The following ELOVL7 variants were observed in gnomAD, a reference collection of about 807,000 sequenced individuals.
ELOVL7 encodes ELOVL fatty acid elongase 7.
Under a neutral mutation model 35.7 loss-of-function variants are expected in ELOVL7, and 27 were observed. The observed-to-expected ratio is 0.76, with a 90% CI of 0.56 to 1.04. ELOVL7 has a LOEUF of 1.04. Among genes scored for constraint, ELOVL7 ranks in the 50% least tolerant of loss-of-function variants. The pLI is 0.00. For missense variants in ELOVL7, 327 were observed against 340.8 expected (o/e 0.96, Z 0.32); for synonymous variants, 113 against 114.6 (o/e 0.99, Z 0.09).
intron 1 of ELOVL7, among the ~76,000 whole-genome samples, chr5:60,824,845 T>C (rs979755288): frequency 1.3e-5 from 2 of 152,120 alleles, no homozygotes; most frequent in Non-Finnish European, 2.9e-5. Flanking sequence ...AATGCACCAA[T>C]ATTTTCCCAC....
chr5:60,823,170 G>A (rs1745983757), intron 1 of ELOVL7, among the ~76,000 whole-genome samples: 1 of 152,144 alleles, frequency 6.6e-6, no homozygotes, highest in Non-Finnish European at 1.5e-5. Context: ...AACAACCCAT[G>A]AAGGTCTAGA....
At chr5:60,813,723 G>A (rs1177244493) in intron 1 of ELOVL7, among the ~76,000 whole-genome samples, 1 of 151,948 alleles carries the variant, frequency 6.6e-6, no homozygotes, top group Non-Finnish European at 1.5e-5. Context: ...CCTGGTTGTA[G>A]TACAAAAAGG....
chr5:60,781,004 G>A (rs1337503951), intron 3 of ELOVL7, among the ~76,000 whole-genome samples: 3 of 152,180 alleles, frequency 2.0e-5, no homozygotes, highest in Non-Finnish European at 4.4e-5. Context: ...GAGGTCAGGA[G>A]TTTGAGACCA....
chr5:60,771,104 AT>A (rs1157450057), intron 4 of ELOVL7, among the ~76,000 whole-genome samples: 6 of 152,186 alleles, frequency 3.9e-5, no homozygotes, highest in African/African-American at 1.4e-4. Flanking sequence ...GTGGGCCCAT[AT>A]TGGGCCCTCG....
intron 8 of ELOVL7, 95 bp downstream of exon 8, chr5:60,757,414 T>G (rs1741607256): frequency 3.1e-6 from 4 of 1,300,644 alleles, no homozygotes; most frequent in Non-Finnish European, 4.3e-6. Flanking sequence ...TATTGTTTTG[T>G]CTTTCTTCTT....
At chr5:60,766,539 C>A in intron 6 of ELOVL7, 35 bp downstream of exon 6, 1 of 1,532,946 alleles carries the variant, frequency 6.5e-7, no homozygotes, top group Non-Finnish European at 8.9e-7. Flanking sequence ...CATTTAAGAT[C>A]AAACATTTAC....
At chr5:60,771,233 G>C (rs948633183) in intron 4 of ELOVL7, among the ~76,000 whole-genome samples, 4 of 152,158 alleles carry the variant, frequency 2.6e-5, no homozygotes, top group African/African-American at 9.7e-5. Flanking sequence ...ACATACATGG[G>C]GGTGGCTGAG....
At chr5:60,841,069 A>G (rs542961114) in intron 1 of ELOVL7, among the ~76,000 whole-genome samples, 323 of 140,546 alleles carry the variant, frequency 2.3e-3, no homozygotes, top group Non-Finnish European at 3.4e-3. Context: ...TTTGTTGCCC[A>G]GGCTGGAGTG....
Position 60,753,128 on chromosome 5 carries a change from T to C in ELOVL7, c.*1496A>G, listed in dbSNP as rs1741353913. 6.6e-6 allele frequency: 1 copy of C among 151,950 alleles called. No homozygotes were observed. The highest frequency in any genetic ancestry group is 2.4e-5 in the African/African-American group (1 of 41,386). 9.4% of individuals were successfully genotyped at this position (151,950 alleles called of 1,614,324 possible). On this transcript the variant is annotated 3_prime_UTR_variant, in exon 9 of 9. Transcript: ENST00000508821. ...AGAGTACAATAAGTATCTCTGTGTG[T>C]TCAAAATTAACTGGGGCTTTAAGTA...
Position 60,752,239 on chromosome 5 carries a change from T to C in ELOVL7, c.*2385A>G, listed in dbSNP as rs1741317871. On this transcript the variant is annotated 3_prime_UTR_variant, in exon 9 of 9. Coordinates refer to ENST00000508821, the MANE Select transcript of ELOVL7 (RefSeq NM_024930.3). Reference sequence around the variant, plus strand: ...ATCCACAATCATGTTGATGTTTCTATGGAGGATACTTCTAGCAGCTGTGAT... The same window carrying C: ...ATCCACAATCATGTTGATGTTTCTACGGAGGATACTTCTAGCAGCTGTGAT... 6.6e-6 allele frequency: 1 copy of C among 152,554 alleles called. No homozygotes were observed. The allele number at this position is 152,554 out of a possible 1,614,324, so 9.5% of individuals were successfully genotyped here. A position where few individuals can be genotyped will look rare whatever the true frequency, so the allele number is the denominator to read the frequency against.
intron 1 of ELOVL7, among the ~76,000 whole-genome samples, chr5:60,814,562 T>G (rs1368975245): frequency 2.0e-5 from 3 of 152,212 alleles, no homozygotes; most frequent in Admixed American, 2.0e-4. Flanking sequence ...GGTCATGTAC[T>G]GTGCTAGGTA....
rs537098844 is a variant in ELOVL7 at position 60,771,826 on chromosome 5, A to G, written c.255+77T>C. 4.7e-4 allele frequency: 518 copies of G among 1,107,600 alleles called. 1 individual carries two copies. Among genetic ancestry groups the G allele is most frequent in the Non-Finnish European group, 6.1e-4 (471 of 777,536 alleles). 68.6% of individuals were successfully genotyped at this position (1,107,600 alleles called of 1,614,324 possible). A position where few individuals can be genotyped will look rare whatever the true frequency, so the allele number is the denominator to read the frequency against. On this transcript the variant is annotated intron_variant, in intron 4 of 8. Coordinates refer to ENST00000508821, the MANE Select transcript of ELOVL7 (RefSeq NM_024930.3). ...TCCTTAAATTGCAAAGTTTACCCTTATAACAGAAAACATAATGACACATAA... is the reference window on the plus strand; with the variant it reads ...TCCTTAAATTGCAAAGTTTACCCTTGTAACAGAAAACATAATGACACATAA...
At chr5:60,766,163 T>C (rs769900497) in intron 6 of ELOVL7, among the ~76,000 whole-genome samples, 26 of 152,218 alleles carry the variant, frequency 1.7e-4, no homozygotes, top group Non-Finnish European at 2.5e-4. Flanking sequence ...TAAAGGAATA[T>C]GGATGACTGT....
chr5:60,843,987 C>T (rs1005095220), intron 1 of ELOVL7, among the ~76,000 whole-genome samples, 173 bp downstream of exon 1: 1 of 152,070 alleles, frequency 6.6e-6, no homozygotes, highest in African/African-American at 2.4e-5. Context: ...GGCCTGGCCC[C>T]GCTCCCGGGG....
intron 1 of ELOVL7, among the ~76,000 whole-genome samples, chr5:60,821,720 A>G (rs1228211583): frequency 6.6e-6 from 1 of 152,250 alleles, no homozygotes; most frequent in Non-Finnish European, 1.5e-5. Context: ...ATGGTTTCTT[A>G]CTAGATTGGT....
intron 1 of ELOVL7, among the ~76,000 whole-genome samples, chr5:60,839,319 G>T (rs941643142): frequency 6.6e-6 from 1 of 152,024 alleles, no homozygotes; most frequent in African/African-American, 2.4e-5. Flanking sequence ...TTTATTGGTC[G>T]ACAGAGCAAG....
intron 7 of ELOVL7, among the ~76,000 whole-genome samples, chr5:60,759,964 GA>G (rs1741795160): frequency 6.6e-6 from 1 of 152,152 alleles, no homozygotes; most frequent in South Asian, 2.1e-4. Context: ...CAAAGGACAT[GA>G]ACTCATCAAT....
intron 1 of ELOVL7, among the ~76,000 whole-genome samples, chr5:60,815,417 T>C (rs1325160632): frequency 1.3e-5 from 2 of 152,180 alleles, no homozygotes; most frequent in Non-Finnish European, 2.9e-5. Flanking sequence ...CATTTTCCTT[T>C]AGCATCACTC....
intron 1 of ELOVL7, among the ~76,000 whole-genome samples, chr5:60,817,148 T>C (rs868587696): frequency 2.7e-5 from 4 of 149,186 alleles, no homozygotes; most frequent in Middle Eastern, 6.9e-3. Flanking sequence ...GCACACAAAA[T>C]CAAAAGAGAA....
Sources: gnomAD v4.1 joint callset for allele counts (sites outside exome capture counted in the v4.1 genomes callset) on GRCh38, gnomAD v4.1.1 for gene constraint, MANE v1.5 for transcripts, NCBI Gene and HGNC (gene_info 2026-07-23, HGNC 2026-07-21) for gene names.